PLD1: variants seen among roughly 807,000 people sequenced by gnomAD.
The protein encoded by PLD1 is phospholipase D1.
A neutral mutation model predicts 137.1 loss-of-function variants in PLD1; 112 were observed. That is an observed-to-expected ratio of 0.82 (90% CI 0.70 to 0.96). The LOEUF (loss-of-function observed/expected upper bound fraction) is 0.96. Among genes scored for constraint, PLD1 ranks in the 40% least tolerant of loss-of-function variants. The probability of loss-of-function intolerance (pLI) is 0.00; values close to 1 mark genes in which losing one functional copy is unlikely to be tolerated. For missense variants in PLD1, 1,321 were observed against 1,342.0 expected (o/e 0.98, Z 0.24); for synonymous variants, 431 against 454.7 (o/e 0.95, Z 0.66).
chr3:171,635,612 A>G (rs1309848752), intron 23 of PLD1, among the ~76,000 whole-genome samples: 1 of 151,730 alleles, frequency 6.6e-6, no homozygotes, highest in Non-Finnish European at 1.5e-5. Flanking sequence ...TTATTTTTTG[A>G]GTTATTTTTA....
intron 23 of PLD1, among the ~76,000 whole-genome samples, chr3:171,636,065 T>C (rs1735106292): frequency 6.7e-6 from 1 of 149,698 alleles, no homozygotes; most frequent in Non-Finnish European, 1.5e-5. Context: ...TTGAATTGTT[T>C]TGGCACCACC....
rs567620770 is a variant in PLD1 at position 171,640,747 on chromosome 3, C to A, written c.2593+2093G>T. Among the ~76,000 whole-genome samples, 18 of 152,264 alleles carry A rather than the reference C, an allele frequency of 1.2e-4. No individual in the cohort carries two copies. The South Asian group carries it at 1.9e-3, about 16-fold the overall frequency. On this transcript the variant is annotated intron_variant, in intron 23 of 26. Coordinates refer to ENST00000351298, the MANE Select transcript of PLD1 (RefSeq NM_002662.5). Reference sequence around the variant, plus strand: ...TCCTGAGCACGTGCATTGCCCTGGGCCGTTGCACACAGCCCTACACAGACC... The same window carrying A: ...TCCTGAGCACGTGCATTGCCCTGGGACGTTGCACACAGCCCTACACAGACC...
chr3:171,800,207 T>C (rs898727980), intron 1 of PLD1, among the ~76,000 whole-genome samples: 24 of 152,280 alleles, frequency 1.6e-4, no homozygotes, highest in African/African-American at 3.1e-4. Flanking sequence ...TTTACTTCTT[T>C]ATTTTTTATT....
At position 171,807,179 on chromosome 3, in the gene PLD1, C is replaced by T. The variant is rs9853388; in HGVS notation, c.-32+3220G>A. ...ACAAAACTGGCCAAGGATGGTGATG[C>T]GCACCTCTAGTTCCAGCTACTCAGA... On this transcript the variant is annotated intron_variant, in intron 1 of 26. Transcript: ENST00000351298. Among the ~76,000 whole-genome samples the T allele has an allele frequency of 6.4e-3, 971 of 152,122 alleles. 11 individuals carry two copies. Among genetic ancestry groups the T allele is most frequent in the Middle Eastern group, 0.024 (7 of 294 alleles).
intron 3 of PLD1, among the ~76,000 whole-genome samples, chr3:171,736,994 T>C (rs1429178156): frequency 6.6e-6 from 1 of 152,222 alleles, no homozygotes; most frequent in Non-Finnish European, 1.5e-5. Context: ...GACTAAAGGA[T>C]GGTTTTCTAG....
At chr3:171,685,027 G>A (rs771848356) in intron 16 of PLD1, among the ~76,000 whole-genome samples, 5 of 152,210 alleles carry the variant, frequency 3.3e-5, no homozygotes, top group Non-Finnish European at 7.3e-5. Context: ...GACCAAGCTT[G>A]TCCAACCCAC....
chr3:171,607,717 A>G (rs1732316021), intron 25 of PLD1, among the ~76,000 whole-genome samples: 2 of 152,284 alleles, frequency 1.3e-5, no homozygotes, highest in South Asian at 4.1e-4. Flanking sequence ...TCCGTTCCTC[A>G]TATCTATCAC....
intron 1 of PLD1, among the ~76,000 whole-genome samples, chr3:171,768,930 C>T (rs1722162679): frequency 6.6e-6 from 1 of 152,118 alleles, no homozygotes; most frequent in African/African-American, 2.4e-5. Context: ...AGCCAAAAGA[C>T]CCAGATATAA....
intron 23 of PLD1, among the ~76,000 whole-genome samples, chr3:171,627,147 T>C (rs1249398630): frequency 6.6e-6 from 1 of 151,574 alleles, no homozygotes; most frequent in Non-Finnish European, 1.5e-5. Context: ...AGGCTCAAAA[T>C]AAAAGGAGGC....
chr3:171,757,507 G>T (rs940801977), intron 1 of PLD1, among the ~76,000 whole-genome samples: 7 of 152,160 alleles, frequency 4.6e-5, no homozygotes, highest in African/African-American at 1.7e-4. Context: ...AAAGACACGG[G>T]ATGCAAAATT....
intron 23 of PLD1, 52 bp from the exon 24 acceptor site, chr3:171,620,572 C>T (rs360407): frequency 5.6e-4 from 619 of 1,101,602 alleles, no homozygotes; most frequent in East Asian, 3.0e-3. Context: ...GCTCAATAAA[C>T]GTACATTAAA....
At chr3:171,628,245 A>G (rs1430490733) in intron 23 of PLD1, among the ~76,000 whole-genome samples, 1 of 152,260 alleles carries the variant, frequency 6.6e-6, no homozygotes, top group Non-Finnish European at 1.5e-5. Flanking sequence ...CTACGCAAAT[A>G]AACTAGAAAA....
In PLD1 at chr3:171,602,051, ATACT is replaced by A. The variant is rs1731864568; in HGVS notation, c.*1023_*1026del. ...CTGAATGTCAAACAAGGTTAGACTCATACTTACTAACTTGGTAGGAGTTACGATG... is the reference window on the plus strand; with the variant it reads ...CTGAATGTCAAACAAGGTTAGACTCATACTAACTTGGTAGGAGTTACGATG... On this transcript the variant is annotated 3_prime_UTR_variant, in exon 27 of 27. Transcript: ENST00000351298. 6.6e-6 allele frequency: 1 copy of A among 152,210 alleles called. No homozygotes were observed. Among genetic ancestry groups the A allele is most frequent in the Non-Finnish European group, 1.5e-5 (1 of 68,026 alleles). 9.4% of individuals were successfully genotyped at this position (152,210 alleles called of 1,614,324 possible). A position where few individuals can be genotyped will look rare whatever the true frequency, so the allele number is the denominator to read the frequency against.
intron 16 of PLD1, among the ~76,000 whole-genome samples, chr3:171,680,033 T>C (rs1460940904): frequency 6.6e-6 from 1 of 152,130 alleles, no homozygotes; most frequent in African/African-American, 2.4e-5. Context: ...AGATTCTGGC[T>C]ACTAAAGTTT....
intron 24 of PLD1, among the ~76,000 whole-genome samples, chr3:171,619,352 A>T (rs538783397): frequency 1.3e-5 from 2 of 152,292 alleles, no homozygotes; most frequent in East Asian, 3.9e-4. Context: ...TTGTCAAGCT[A>T]ATCTAATTTG....
intron 1 of PLD1, among the ~76,000 whole-genome samples, chr3:171,768,119 A>C (rs1722103462): frequency 6.6e-6 from 1 of 152,086 alleles, no homozygotes; most frequent in Non-Finnish European, 1.5e-5. Context: ...GGTCAAACTT[A>C]AATTGGGTTC....
chr3:171,786,743 C>T (rs1003189021), intron 1 of PLD1, among the ~76,000 whole-genome samples: 28 of 152,202 alleles, frequency 1.8e-4, no homozygotes, highest in African/African-American at 6.7e-4. Context: ...TACAAATCAA[C>T]ATTTAAAGAA....
chr3:171,720,498 G>T (rs1200918755), intron 8 of PLD1, among the ~76,000 whole-genome samples: 5 of 151,502 alleles, frequency 3.3e-5, no homozygotes, highest in Non-Finnish European at 7.4e-5. Context: ...CAGGAGAACG[G>T]CATGAATCTG....
chr3:171,787,838 G>T (rs1402976258), intron 1 of PLD1, among the ~76,000 whole-genome samples: 3 of 149,024 alleles, frequency 2.0e-5, no homozygotes, highest in Non-Finnish European at 3.0e-5. Context: ...AACCAACTTG[G>T]TTTTTTTTAA....
Sources: allele counts gnomAD v4.1 joint callset (sites outside exome capture counted in the v4.1 genomes callset), GRCh38; gene constraint gnomAD v4.1.1; transcripts MANE v1.5; gene names NCBI Gene and HGNC (gene_info 2026-07-23, HGNC 2026-07-21).